Variants in MAPK4 observed in about 807,000 individuals in gnomAD.
MAPK4 encodes mitogen-activated protein kinase 4, also known as Erk3-related.
MAPK4 carries 22 observed loss-of-function variants against 47.7 expected under a neutral mutation model. The observed-to-expected ratio is 0.46, with a 90% CI of 0.33 to 0.66. The LOEUF (loss-of-function observed/expected upper bound fraction) is 0.66. Among genes scored for constraint, MAPK4 ranks in the 30% least tolerant of loss-of-function variants. MAPK4 has a pLI of 0.02. For synonymous variants in MAPK4, 390 were observed against 365.7 expected, an observed-to-expected ratio of 1.07 and a Z score of -0.76; for missense variants, 736 against 831.7, an observed-to-expected ratio of 0.88 and a Z score of 1.42.
chr18:50,693,529 C>T lies in MAPK4; in HGVS notation c.547-21550C>T, dbSNP rs140893630. 1.5e-3 allele frequency among the ~76,000 whole-genome samples: 228 copies of T among 152,246 alleles called. No homozygotes were observed. The East Asian group carries it at 0.018, about 12-fold the overall frequency. Reference sequence around the variant, plus strand: ...TCAGGCTCTTTAGAGAGGTTTCTTCCGCCCTTCGACTTCTGAGTGCTGCAC... The same window carrying T: ...TCAGGCTCTTTAGAGAGGTTTCTTCTGCCCTTCGACTTCTGAGTGCTGCAC... On this transcript the variant is annotated intron_variant, in intron 2 of 5. Coordinates refer to ENST00000400384, the MANE Select transcript of MAPK4 (RefSeq NM_002747.4).
chr18:50,660,468 G>A (rs1406280363), intron 1 of MAPK4, among the ~76,000 whole-genome samples: 1 of 152,134 alleles, frequency 6.6e-6, no homozygotes, highest in Non-Finnish European at 1.5e-5. Flanking sequence ...CATAATGAAC[G>A]GTACTCAGCT....
At position 50,601,551 on chromosome 18, in the gene MAPK4, G is replaced by A. The variant is rs116916776; in HGVS notation, c.-871+41308G>A. ...ACTTCTCTTCCTCTTTCTCTTTTGGGTGTCCTCCTGCAGGTGGTTGTCCAC... is the reference window on the plus strand; with the variant it reads ...ACTTCTCTTCCTCTTTCTCTTTTGGATGTCCTCCTGCAGGTGGTTGTCCAC... On this transcript the variant is annotated intron_variant, in intron 1 of 5. Coordinates refer to ENST00000400384, the MANE Select transcript of MAPK4 (RefSeq NM_002747.4). Among the ~76,000 whole-genome samples the A allele has an allele frequency of 4.5e-3, 683 of 151,932 alleles. 3 individuals carry two copies. The highest frequency in any genetic ancestry group is 0.01 in the Middle Eastern group (3 of 294).
At chr18:50,666,375 T>G (rs1257474937) in intron 2 of MAPK4, among the ~76,000 whole-genome samples, 1 of 152,244 alleles carries the variant, frequency 6.6e-6, no homozygotes, top group Non-Finnish European at 1.5e-5. Flanking sequence ...AATTGTGCTC[T>G]GTCTGCTCCT....
intron 1 of MAPK4, among the ~76,000 whole-genome samples, chr18:50,570,242 A>T (rs1023394560): frequency 6.6e-6 from 1 of 152,242 alleles, no homozygotes; most frequent in Non-Finnish European, 1.5e-5. Context: ...GTTGGGATGG[A>T]TATATTTCAA....
At chr18:50,728,718 A>C (rs1911338728) in intron 5 of MAPK4, among the ~76,000 whole-genome samples, 4 of 152,118 alleles carry the variant, frequency 2.6e-5, no homozygotes, top group South Asian at 4.2e-4. Flanking sequence ...GCTTGTTAGA[A>C]TCTCAGGCCC....
chr18:50,587,830 G>A (rs191159944), intron 1 of MAPK4, among the ~76,000 whole-genome samples: 23 of 152,276 alleles, frequency 1.5e-4, no homozygotes, highest in African/African-American at 5.5e-4. Flanking sequence ...CCGAGTTCAA[G>A]TGATTCTCCT....
chr18:50,602,126 T>C (rs1301788999), intron 1 of MAPK4, among the ~76,000 whole-genome samples: 1 of 152,238 alleles, frequency 6.6e-6, no homozygotes, highest in Admixed American at 6.5e-5. Context: ...AGGTATTCTA[T>C]AGAAATATGA....
intron 1 of MAPK4, among the ~76,000 whole-genome samples, chr18:50,624,498 A>G (rs940296607): frequency 8.5e-5 from 13 of 152,346 alleles, no homozygotes; most frequent in African/African-American, 2.9e-4. Flanking sequence ...TTAATAGTAT[A>G]TAACTTACAA....
At chr18:50,646,388 G>A (rs931324820) in intron 1 of MAPK4, among the ~76,000 whole-genome samples, 5 of 152,082 alleles carry the variant, frequency 3.3e-5, no homozygotes, top group Admixed American at 2.6e-4. Flanking sequence ...CTGTTTTCTG[G>A]TGGTCAGAGT....
At chr18:50,721,528 G>A (rs1352571490) in intron 3 of MAPK4, among the ~76,000 whole-genome samples, 3 of 152,102 alleles carry the variant, frequency 2.0e-5, no homozygotes, top group African/African-American at 7.2e-5. Context: ...AAACCAAAAG[G>A]TATGGCTCAT....
At chr18:50,618,155 A>G (rs1354201501) in intron 1 of MAPK4, among the ~76,000 whole-genome samples, 1 of 152,040 alleles carries the variant, frequency 6.6e-6, no homozygotes, top group Non-Finnish European at 1.5e-5. Flanking sequence ...CCTGGCAAAT[A>G]CTTGAAGCTA....
chr18:50,595,782 CT>C (rs1200111275), intron 1 of MAPK4, among the ~76,000 whole-genome samples: 3 of 152,124 alleles, frequency 2.0e-5, no homozygotes. Flanking sequence ...ATGATTTGAA[CT>C]TTCTGCTTCT....
intron 1 of MAPK4, among the ~76,000 whole-genome samples, chr18:50,630,965 T>A (rs2042823975): frequency 6.6e-6 from 1 of 152,220 alleles, no homozygotes; most frequent in African/African-American, 2.4e-5. Flanking sequence ...CCATGGATTC[T>A]GTATTTGCCA....
chr18:50,614,670 G>A (rs2042668439), intron 1 of MAPK4, among the ~76,000 whole-genome samples: 1 of 152,158 alleles, frequency 6.6e-6, no homozygotes, highest in African/African-American at 2.4e-5. Flanking sequence ...AGTTTCACAT[G>A]TCACACGTAT....
rs572717400 is a variant in MAPK4 at position 50,636,842 on chromosome 18, C to T, written c.-870-26247C>T. ...GTCTTACGTCACTCAGATGCTTTTG[C>T]GTATTGGTGTTTGTGGTCTCACGGT... On this transcript the variant is annotated intron_variant, in intron 1 of 5. Transcript: ENST00000400384. 2.6e-5 allele frequency among the ~76,000 whole-genome samples: 4 copies of T among 152,222 alleles called. No individual in the cohort carries two copies. In the South Asian group the frequency reaches 6.2e-4, roughly 24 times the overall value.
chr18:50,575,318 A>G lies in MAPK4; in HGVS notation c.-871+15075A>G, dbSNP rs190491284. ...GATCTTGGATTTCCAAAACTGTGAG[A>G]AATAAATTTCTGTTCTTTATAAATG... On this transcript the variant is annotated intron_variant, in intron 1 of 5. Coordinates refer to ENST00000400384, the MANE Select transcript of MAPK4 (RefSeq NM_002747.4). 3.3e-3 allele frequency among the ~76,000 whole-genome samples: 495 copies of G among 152,268 alleles called. 3 individuals are homozygous for G. The highest frequency in any genetic ancestry group is 5.2e-3 in the Non-Finnish European group (353 of 68,026).
At chr18:50,621,850 T>C (rs2042734874) in intron 1 of MAPK4, among the ~76,000 whole-genome samples, 1 of 152,266 alleles carries the variant, frequency 6.6e-6, no homozygotes, top group East Asian at 1.9e-4. Flanking sequence ...GTCTTCACCA[T>C]GCATTTGGCA....
chr18:50,610,472 C>A (rs935373098), intron 1 of MAPK4, among the ~76,000 whole-genome samples: 10 of 152,338 alleles, frequency 6.6e-5, no homozygotes, highest in African/African-American at 2.4e-4. Flanking sequence ...AGTTCAACGC[C>A]AGGGTGAAGA....
intron 1 of MAPK4, among the ~76,000 whole-genome samples, chr18:50,646,902 T>G (rs1307120550): frequency 6.6e-6 from 1 of 152,188 alleles, no homozygotes; most frequent in Non-Finnish European, 1.5e-5. Flanking sequence ...TCAGGGAGCC[T>G]GCTGTTTCTC....
Sources: gnomAD v4.1 joint callset for allele counts (sites outside exome capture counted in the v4.1 genomes callset) on GRCh38, gnomAD v4.1.1 for gene constraint, MANE v1.5 for transcripts, NCBI Gene and HGNC (gene_info 2026-07-23, HGNC 2026-07-21) for gene names.